The following TM2D1 variants were observed in gnomAD, a reference collection of about 807,000 sequenced individuals.
TM2D1 encodes the protein TM2 domain-containing protein 1.
TM2D1 carries 15 observed loss-of-function variants against 28.4 expected under a neutral mutation model. The observed-to-expected ratio is 0.53, with a 90% confidence interval of 0.35 to 0.81. The LOEUF is 0.81. Among genes scored for constraint, TM2D1 ranks in the 40% least tolerant of loss-of-function variants. TM2D1 has a pLI of 0.01. For missense variants in TM2D1, 236 were observed against 254.9 expected, an observed-to-expected ratio of 0.93 and a Z score of 0.50; for synonymous variants, 93 against 96.2, an observed-to-expected ratio of 0.97 and a Z score of 0.20.
Position 61,722,043 on chromosome 1 carries a change from A to G in TM2D1, c.238+1670T>C, listed in dbSNP as rs528302114. Reference sequence around the variant, plus strand: ...AGCACTTTTTTTGGGAGGCCCAGGCAGGCAGATTGCTTGAACCCAAGAGTT... The same window carrying G: ...AGCACTTTTTTTGGGAGGCCCAGGCGGGCAGATTGCTTGAACCCAAGAGTT... On this transcript the variant is annotated intron_variant, in intron 2 of 6. Coordinates refer to ENST00000606498, the MANE Select transcript of TM2D1 (RefSeq NM_032027.3). Among the ~76,000 whole-genome samples the G allele has an allele frequency of 2.3e-4, 35 of 151,198 alleles. 1 individual carries two copies. Among genetic ancestry groups the G allele is most frequent in the African/African-American group, 7.8e-4 (32 of 41,280 alleles).
chr1:61,707,046 G>A (rs917778493), intron 3 of TM2D1, among the ~76,000 whole-genome samples: 1 of 152,086 alleles, frequency 6.6e-6, no homozygotes, highest in African/African-American at 2.4e-5. Context: ...CTTGAGCCCA[G>A]AAGTTTGAGA....
intron 2 of TM2D1, 78 bp from the exon 3 acceptor site, chr1:61,709,515 A>C: frequency 9.9e-7 from 1 of 1,006,668 alleles, no homozygotes; most frequent in Non-Finnish European, 1.5e-6. Context: ...AGACTAGCAA[A>C]TATGTTATAA....
rs537088112 is a variant in TM2D1, at chr1:61,683,497, G to A, written c.563C>T (p.Thr188Ile). 3.9e-6 allele frequency: 6 copies of A among 1,543,424 alleles called. No individual in the cohort carries two copies. The East Asian group carries it at 7.0e-5, about 18-fold the overall frequency. ...AGTAATACTCAGTCTTGTAAGTCTG[G>A]TTCCATAGTAATCTATAATGTAACT... The part of the protein sequence containing the change: ...GSSYIIDYYG[T>I]RLTRLSITNE... The change falls in exon 6 of 7, where the codon ACC becomes ATC. Residue 188 changes from threonine (T) to isoleucine (I), a missense_variant. By Grantham distance (89) the Thr-to-Ile change is moderately conservative. This residue lies in a region of TM2D1 where 64 missense variants were observed against 73.1 expected (regional missense o/e 0.88). Coordinates refer to ENST00000606498, the MANE Select transcript of TM2D1 (RefSeq NM_032027.3).
chr1:61,704,738 C>T (rs1644428873), intron 3 of TM2D1, among the ~76,000 whole-genome samples: 1 of 151,930 alleles, frequency 6.6e-6, no homozygotes, highest in African/African-American at 2.4e-5. Context: ...GCCAATAAAG[C>T]ATTTTAAGAA....
intron 1 of TM2D1, among the ~76,000 whole-genome samples, 197 bp from the exon 2 acceptor site, chr1:61,723,983 C>T (rs1250821451): frequency 2.0e-5 from 3 of 152,036 alleles, no homozygotes; most frequent in African/African-American, 7.2e-5. Context: ...TCACTGGAGC[C>T]CAGGAGTTTG....
At chr1:61,723,307 G>T (rs61770105) in intron 2 of TM2D1, among the ~76,000 whole-genome samples, 18,240 of 152,242 alleles carry the variant, frequency 0.12, 1,367 homozygotes, top group Non-Finnish European at 0.17. Flanking sequence ...TATGGCACTA[G>T]CCAAGAACTA....
chr1:61,718,020 AAAC>A (rs749933460), intron 2 of TM2D1, among the ~76,000 whole-genome samples: 11 of 152,256 alleles, frequency 7.2e-5, no homozygotes, highest in East Asian at 1.9e-4. Context: ...ATGTCTCCAA[AAAC>A]AACAACAAAA....
At chr1:61,683,342 G>T (rs1264631503) in intron 6 of TM2D1, 75 bp downstream of exon 6, 1 of 477,456 alleles carries the variant, frequency 2.1e-6, no homozygotes, top group African/African-American at 2.0e-5. Flanking sequence ...AATTTTCTAT[G>T]GTCCTAAAAT....
At chr1:61,717,071 G>T (rs967922522) in intron 2 of TM2D1, among the ~76,000 whole-genome samples, 2 of 152,090 alleles carry the variant, frequency 1.3e-5, no homozygotes, top group Non-Finnish European at 2.9e-5. Flanking sequence ...AGTTATGGCC[G>T]GGTGCAGTGG....
intron 4 of TM2D1, 144 bp from the exon 5 acceptor site, chr1:61,694,914 ATCT>A: frequency 6.9e-6 from 3 of 436,608 alleles, no homozygotes; most frequent in Non-Finnish European, 1.2e-5. Context: ...AAGAAATCAA[ATCT>A]TCACTTGAAA....
chr1:61,710,814 C>T (rs763045914), intron 2 of TM2D1, among the ~76,000 whole-genome samples: 1 of 151,960 alleles, frequency 6.6e-6, no homozygotes, highest in Non-Finnish European at 1.5e-5. Flanking sequence ...AGATTTCCAA[C>T]AAATCATTGT....
intron 2 of TM2D1, among the ~76,000 whole-genome samples, chr1:61,711,903 T>A (rs1157607589): frequency 2.7e-5 from 4 of 150,858 alleles, no homozygotes; most frequent in Non-Finnish European, 5.9e-5. Flanking sequence ...TTTAGATCAC[T>A]AATTCTTTTT....
chr1:61,719,456 G>C (rs1048238262), intron 2 of TM2D1, among the ~76,000 whole-genome samples: 1 of 151,808 alleles, frequency 6.6e-6, no homozygotes, highest in Non-Finnish European at 1.5e-5. Flanking sequence ...TGGTCAATCT[G>C]GGTAAAGGGT....
At position 61,711,002 on chromosome 1, in the gene TM2D1, G is replaced by A. The variant is rs1207471281; in HGVS notation, c.239-1565C>T. Reference sequence around the variant, plus strand: ...AACAAGGTGGTGTTTATAATAAAACGCACAGATTCAATAAAACTGAGAACC... The same window carrying A: ...AACAAGGTGGTGTTTATAATAAAACACACAGATTCAATAAAACTGAGAACC... On this transcript the variant is annotated intron_variant, in intron 2 of 6. Transcript: ENST00000606498. Among the ~76,000 whole-genome samples the A allele has an allele frequency of 3.3e-5, 5 of 152,186 alleles. No homozygotes were observed. In the East Asian group the frequency reaches 9.7e-4, roughly 29 times the overall value.
At chr1:61,688,030 T>C (rs1420629913) in intron 5 of TM2D1, among the ~76,000 whole-genome samples, 1 of 152,230 alleles carries the variant, frequency 6.6e-6, no homozygotes, top group Non-Finnish European at 1.5e-5. Context: ...TAATTAAGCA[T>C]CAAAATTCCT....
In TM2D1 at chr1:61,709,352, G is replaced by A; in HGVS notation, c.324C>T (p.Phe108=). Residue 108 remains phenylalanine, a synonymous_variant, in exon 3 of 7, where the codon TTC becomes TTT. Coordinates refer to ENST00000606498, the MANE Select transcript of TM2D1 (RefSeq NM_032027.3). The part of the protein sequence containing the change: ...THFTGNEVGF[F]KPISCRNVNG... ...ACACATTTCGGCAAGATATGGGCTT[G>A]AAAAAACCAACTTCGTTCCCAGTAA... is the stretch of plus-strand genomic sequence containing the variant. 1 of 1,612,332 alleles carries A rather than the reference G, an allele frequency of 6.2e-7. No homozygotes were observed. The highest frequency in any genetic ancestry group is 8.5e-7 in the Non-Finnish European group (1 of 1,178,858).
intron 4 of TM2D1, chr1:61,700,326 C>A: frequency 7.1e-7 from 1 of 1,409,998 alleles, no homozygotes; most frequent in Non-Finnish European, 9.2e-7. Flanking sequence ...TGTAAGTCTT[C>A]AATAAGGGCA....
At chr1:61,700,215 A>C (rs1043853077) in intron 4 of TM2D1, 1 of 1,535,876 alleles carries the variant, frequency 6.5e-7, no homozygotes, top group Non-Finnish European at 8.8e-7. Context: ...ATGTCACAGA[A>C]TAAAGGAAAG....
chr1:61,695,393 G>A (rs1644356876), intron 4 of TM2D1, among the ~76,000 whole-genome samples: 2 of 151,166 alleles, frequency 1.3e-5, no homozygotes, highest in Admixed American at 1.3e-4. Flanking sequence ...GAGCTAAGAT[G>A]CTAAAATAGA....
Sources: allele counts gnomAD v4.1 joint callset (sites outside exome capture counted in the v4.1 genomes callset), GRCh38; gene constraint gnomAD v4.1.1; regional missense constraint gnomAD v4.1.1; transcripts MANE v1.5; gene names NCBI Gene and HGNC (gene_info 2026-07-23, HGNC 2026-07-21).